GPAT2: variants seen among roughly 807,000 people sequenced by gnomAD.
GPAT2 encodes the protein glycerol-3-phosphate acyltransferase 2, mitochondrial, also known as 1-acylglycerol-3-phosphate O-acyltransferase GPAT2.
GPAT2 carries 51 observed loss-of-function variants against 71.0 expected under a neutral mutation model. That is an observed-to-expected ratio of 0.72 (90% CI 0.57 to 0.91). GPAT2 has a LOEUF of 0.91. Among genes scored for constraint, GPAT2 ranks in the 40% least tolerant of loss-of-function variants. GPAT2 has a pLI of 0.00. For synonymous variants in GPAT2, 222 were observed against 290.3 expected, an observed-to-expected ratio of 0.76 and a Z score of 2.39; for missense variants, 511 against 666.0, an observed-to-expected ratio of 0.77 and a Z score of 2.56.
At chr2:96,025,007 G>A in intron 13 of GPAT2, 164 bp from the exon 14 acceptor site, 1 of 791,814 alleles carries the variant, frequency 1.3e-6, no homozygotes. Flanking sequence ...GCTGAGAGCA[G>A]GCCAGGAGCT....
At position 96,024,672 on chromosome 2, in the gene GPAT2, G is replaced by A. The variant is rs200617435; in HGVS notation, c.1442C>T (p.Ser481Leu). ...CCAGGAGAACTCCCCCAGGAGCTGC[G>A]ACAGGAACACACCCTGGGTGGGCAG... is the stretch of plus-strand genomic sequence containing the variant. ...LFKHQKGVFL[S>L]QLLGEFSWLT... Residue 481 changes from serine to leucine, a missense_variant, in exon 15 of 22, where the codon TCG (serine) becomes TTG (leucine). Ser to Leu is a moderately radical substitution (Grantham distance 145, BLOSUM62 -2). Around this residue, in one of 7 missense-constraint regions of GPAT2, gnomAD observed 295 missense variants for 305.5 expected, o/e 0.97. Coordinates refer to ENST00000434632, the MANE Select transcript of GPAT2 (RefSeq NM_001321527.2). 382 of 1,613,900 alleles carry A rather than the reference G, an allele frequency of 2.4e-4. No individual in the cohort carries two copies. The highest frequency in any genetic ancestry group is 3.0e-4 in the Non-Finnish European group (356 of 1,179,914).
intron 1 of GPAT2, among the ~76,000 whole-genome samples, chr2:96,034,054 T>C (rs1297693731): frequency 2.0e-5 from 3 of 150,920 alleles, no homozygotes; most frequent in Admixed American, 1.3e-4. Flanking sequence ...TATACATATA[T>C]ACACACACAT....
chr2:96,025,334 A>G (rs150280900), intron 13 of GPAT2, 151 bp downstream of exon 13: 135 of 1,051,550 alleles, frequency 1.3e-4, no homozygotes, highest in Middle Eastern at 9.7e-4. Flanking sequence ...CCTGTAGGAG[A>G]AGGGTTCCAT....
intron 2 of GPAT2, 27 bp from the exon 3 acceptor site, chr2:96,032,173 G>A: frequency 6.5e-7 from 1 of 1,529,510 alleles, no homozygotes; most frequent in Non-Finnish European, 8.9e-7. Context: ...GGAGAGATGA[G>A]AGGACTCAAA....
In GPAT2 at chr2:96,024,918, T is replaced by A. The variant is rs536026349; in HGVS notation, c.1358-75A>T. 6.2e-4 allele frequency: 953 copies of A among 1,538,904 alleles called. 13 individuals carry two copies. The South Asian group carries it at 0.01, about 17-fold the overall frequency. On this transcript the variant is annotated intron_variant, in intron 13 of 21. Coordinates refer to ENST00000434632, the MANE Select transcript of GPAT2 (RefSeq NM_001321527.2). ...CCTGGTCCCTCCATGATCTAGCAAGTCTTCCTAGCCACACATCCCAACTCC... is the reference window on the plus strand; with the variant it reads ...CCTGGTCCCTCCATGATCTAGCAAGACTTCCTAGCCACACATCCCAACTCC...
chr2:96,026,383 G>T (rs1680419876), intron 10 of GPAT2, 78 bp from the exon 11 acceptor site: 1 of 1,326,212 alleles, frequency 7.5e-7, no homozygotes, highest in East Asian at 2.6e-5. Flanking sequence ...CACCCATCCT[G>T]GTCTCCAGAG....
In GPAT2 at chr2:96,024,424, C is replaced by CA; in HGVS notation, c.1687+2dup. ...CACCTACCCCGTGCACCTCAAGACTCACCGCCCACAGCCTCGCTCAGGAAG... is the reference window on the plus strand; with the variant it reads ...CACCTACCCCGTGCACCTCAAGACTCAACCGCCCACAGCCTCGCTCAGGAAG... On this transcript the variant is annotated splice_region_variant and intron_variant, in intron 15 of 21. Transcript: ENST00000434632. 6.2e-7 allele frequency: 1 copy of CA among 1,613,438 alleles called. No homozygotes were observed. Among genetic ancestry groups the CA allele is most frequent in the Non-Finnish European group, 8.5e-7 (1 of 1,179,546 alleles).
At chr2:96,025,837 G>C in intron 12 of GPAT2, 93 bp downstream of exon 12, 1 of 1,320,936 alleles carries the variant, frequency 7.6e-7, no homozygotes, top group Non-Finnish European at 1.1e-6. Context: ...TGGTGAGGGA[G>C]GGCTGCTAGT....
At position 96,022,658 on chromosome 2, in the gene GPAT2, C is replaced by T; in HGVS notation, c.2289+10G>A. ...GGGGGACAGAAGATGGTGACAGTGG[C>T]TCCTCTCACCCCTAGGTCTCTGAAG... On this transcript the variant is annotated intron_variant, in intron 21 of 21. Transcript: ENST00000434632. 6.2e-7 allele frequency: 1 copy of T among 1,613,842 alleles called. No individual in the cohort carries two copies.
intron 11 of GPAT2, 38 bp downstream of exon 11, chr2:96,026,145 C>T (rs1365201874): frequency 6.3e-7 from 1 of 1,582,502 alleles, no homozygotes; most frequent in Admixed American, 1.7e-5. Flanking sequence ...AGGACAGACA[C>T]CCCAGGTACT....
At position 96,023,450 on chromosome 2, in the gene GPAT2, G is replaced by A. The variant is rs749534074; in HGVS notation, c.1915-10C>T. 2.4e-5 allele frequency: 38 copies of A among 1,613,574 alleles called. No individual in the cohort carries two copies. The highest frequency in any genetic ancestry group is 1.6e-4 in the Middle Eastern group (1 of 6,084). On this transcript the variant is annotated splice_polypyrimidine_tract_variant and intron_variant, in intron 17 of 21. Coordinates refer to ENST00000434632, the MANE Select transcript of GPAT2 (RefSeq NM_001321527.2). The stretch of plus-strand genomic sequence containing the variant: ...GCCGGGAGCCTGGGGTCTAGGGGCC[G>A]TGGAGCCATTGTTCTCTGACAAGCT...
chr2:96,023,937 G>A lies in GPAT2; in HGVS notation c.1900C>T (p.Leu634=). Reference sequence around the variant, plus strand: ...GCCCTGCCTACCTCCTCAGCAACCAGGAGCCCGCATTGGATGAGCCGGTCC... The same window carrying A: ...GCCCTGCCTACCTCCTCAGCAACCAAGAGCCCGCATTGGATGAGCCGGTCC... The part of the protein sequence containing the change: ...VLDRLIQCGL[L]VAEETPGSRP... Residue 634 remains leucine (L), a synonymous_variant, in exon 17 of 22, where the codon CTG becomes TTG. Transcript: ENST00000434632. 1.2e-6 allele frequency: 2 copies of A among 1,602,770 alleles called. No individual in the cohort carries two copies. Among genetic ancestry groups the A allele is most frequent in the South Asian group, 2.3e-5 (2 of 88,764 alleles).
chr2:96,025,576 C>T lies in GPAT2; in HGVS notation c.1266G>A (p.Glu422=), dbSNP rs1251662933. 6.3e-7 allele frequency: 1 copy of T among 1,575,812 alleles called. No homozygotes were observed. The highest frequency in any genetic ancestry group is 1.4e-5 in the African/African-American group (1 of 73,228). The change falls in exon 13 of 22, where the codon GAG becomes GAA. Residue 422 remains glutamate, a synonymous_variant. Coordinates refer to ENST00000434632, the MANE Select transcript of GPAT2 (RefSeq NM_001321527.2). ...QCTAVPDTEK[E]QEWTPITGPL... is the part of the protein sequence containing the mutation. ...GCCCAGTTATGGGGGTCCACTCCTG[C>T]TCCTTCTCAGTGTCTGGGACAGCAG...
At chr2:96,023,060 A>G in intron 19 of GPAT2, 37 bp from the exon 20 acceptor site, 6 of 1,614,012 alleles carry the variant, frequency 3.7e-6, no homozygotes, top group Non-Finnish European at 5.1e-6. Context: ...GGCACCCAGC[A>G]CAGACACAGC....
At position 96,028,583 on chromosome 2, in the gene GPAT2, AT is replaced by A. The variant is rs548164354; in HGVS notation, c.486-494del. Among the ~76,000 whole-genome samples the A allele has an allele frequency of 9.5e-4, 144 of 151,692 alleles. No individual in the cohort carries two copies. The South Asian group carries it at 0.029, about 31-fold the overall frequency. On this transcript the variant is annotated intron_variant, in intron 6 of 21. Transcript: ENST00000434632. ...CCCAACAGGAGGACCAGCTCTATTT[AT>A]TTTTTAGGACAGGGTCTTGCTCTGT... is the stretch of plus-strand genomic sequence containing the variant.
chr2:96,032,301 C>T lies in GPAT2; in HGVS notation c.59G>A (p.Arg20Gln), dbSNP rs779378670. The change falls in exon 2 of 22, where the codon CGA (arginine) becomes CAA (glutamine). Residue 20 changes from arginine (R) to glutamine (Q), a missense_variant. By Grantham distance (43) the Arg-to-Gln change is conservative (BLOSUM62 1). Transcript: ENST00000434632. The stretch of plus-strand genomic sequence containing the variant: ...GAATGGGAGGAGCCACATTACCTCT[C>T]GGCCACTGGGGCTGCTCCTTGGCTG... ...QTQPRSSPSG[R>Q]EASLWSSGFG... is the part of the protein sequence containing the mutation. 65 of 1,520,326 alleles carry T rather than the reference C, an allele frequency of 4.3e-5. 8 individuals carry two copies. In the East Asian group the frequency reaches 7.6e-4, roughly 18 times the overall value. The allele number at this position is 1,520,326 out of a possible 1,614,324, so 94.2% of individuals were successfully genotyped here.
intron 17 of GPAT2, 28 bp downstream of exon 17, chr2:96,023,895 G>A (rs1194163323): frequency 2.6e-6 from 4 of 1,561,156 alleles, no homozygotes; most frequent in Non-Finnish European, 3.5e-6. Context: ...CTCCAGGCAA[G>A]GATCTTGTCT....
chr2:96,025,352 C>T (rs1485437959), intron 13 of GPAT2, 133 bp downstream of exon 13: 3 of 1,218,728 alleles, frequency 2.5e-6, no homozygotes, highest in African/African-American at 1.5e-5. Context: ...CATTCTTCTT[C>T]AGATGTCCCC....
At chr2:96,025,197 A>C (rs1370723645) in intron 13 of GPAT2, 1 of 561,798 alleles carries the variant, frequency 1.8e-6, no homozygotes, top group Non-Finnish European at 3.2e-6. Context: ...AAAGCTAAGG[A>C]GACTCCGCTC....
Sources: gnomAD v4.1 joint callset for allele counts (sites outside exome capture counted in the v4.1 genomes callset) on GRCh38, gnomAD v4.1.1 for gene constraint, gnomAD v4.1.1 regional missense constraint, MANE v1.5 for transcripts, NCBI Gene and HGNC (gene_info 2026-07-23, HGNC 2026-07-21) for gene names.